PKHD1: variants seen among roughly 807,000 people sequenced by gnomAD.
The protein encoded by PKHD1 is PKHD1 ciliary IPT domain containing fibrocystin/polyductin, also known as fibrocystin.
PKHD1 carries 291 observed loss-of-function variants against 412.0 expected under a neutral mutation model. That is an observed-to-expected ratio of 0.71 (90% CI 0.64 to 0.78). PKHD1 has a LOEUF of 0.78. Ranked by LOEUF, PKHD1 falls within the 30% of genes least tolerant of loss-of-function variation. PKHD1 has a pLI of 0.00. For missense variants in PKHD1, 4,825 were observed against 4,950.7 expected, an observed-to-expected ratio of 0.97 and a Z score of 0.76; for synonymous variants, 1,777 against 1,821.5, an observed-to-expected ratio of 0.98 and a Z score of 0.62.
Position 51,934,200 on chromosome 6 carries a change from T to G in PKHD1, c.6031A>C (p.Ile2011Leu). The G allele has an allele frequency of 6.2e-7, 1 of 1,613,928 alleles. No homozygotes were observed. Among genetic ancestry groups the G allele is most frequent in the Middle Eastern group, 1.7e-4 (1 of 6,042 alleles). The change falls in exon 37 of 67, where the codon ATC (isoleucine) becomes CTC (leucine). Residue 2011 changes from isoleucine to leucine, a missense_variant. Physicochemically the swap from Ile to Leu is conservative, Grantham distance 5. Transcript: ENST00000371117. Reference sequence around the variant, plus strand: ...GAGTAGGAACTCCCGTAGAGTGTGATCTGAGCTCTGCCTTGGAAGGGCTTG... The same window carrying G: ...GAGTAGGAACTCCCGTAGAGTGTGAGCTGAGCTCTGCCTTGGAAGGGCTTG... ...EDKPFQGRAQ[I>L]TLYGSSYSTP... is the part of the protein sequence containing the mutation.
At chr6:51,932,058 T>C (rs1246750401) in intron 37 of PKHD1, among the ~76,000 whole-genome samples, 2 of 152,152 alleles carry the variant, frequency 1.3e-5, no homozygotes, top group African/African-American at 4.8e-5. Context: ...GGTCTCATTC[T>C]CAATATCCAG....
At chr6:51,987,159 C>G (rs1440441540) in intron 35 of PKHD1, among the ~76,000 whole-genome samples, 1 of 152,224 alleles carries the variant, frequency 6.6e-6, no homozygotes, top group African/African-American at 2.4e-5. Context: ...AGCAGAATCT[C>G]AGAGTCCAGT....
intron 49 of PKHD1, among the ~76,000 whole-genome samples, chr6:51,854,136 ATGC>A (rs2151672997): frequency 6.6e-6 from 1 of 151,200 alleles, no homozygotes; most frequent in Admixed American, 6.6e-5. Context: ...GTTGTTGTTG[ATGC>A]TGTTGTTGTC....
chr6:51,890,010 G>A (rs1778862286), intron 43 of PKHD1, among the ~76,000 whole-genome samples: 2 of 151,828 alleles, frequency 1.3e-5, no homozygotes, highest in Admixed American at 6.6e-5. Context: ...TTTTCCCTTA[G>A]AAGTATTTTT....
chr6:51,977,219 G>T (rs2128010014), intron 35 of PKHD1, among the ~76,000 whole-genome samples: 1 of 152,244 alleles, frequency 6.6e-6, no homozygotes, highest in East Asian at 1.9e-4. Flanking sequence ...AAACAGAAAA[G>T]AAGGCAACCC....
intron 60 of PKHD1, among the ~76,000 whole-genome samples, chr6:51,733,396 C>T (rs926091587): frequency 6.6e-5 from 10 of 151,714 alleles, no homozygotes; most frequent in South Asian, 4.2e-4. Context: ...AAAAATTAGC[C>T]GGGCGTGGTG....
chr6:51,672,702 CTGA>C (rs1430356973), intron 60 of PKHD1, among the ~76,000 whole-genome samples: 1 of 152,144 alleles, frequency 6.6e-6, no homozygotes, highest in Non-Finnish European at 1.5e-5. Flanking sequence ...ATACAAAGAA[CTGA>C]TGATAAGAAA....
At chr6:51,663,547 T>C (rs559530696) in intron 60 of PKHD1, among the ~76,000 whole-genome samples, 2 of 152,164 alleles carry the variant, frequency 1.3e-5, no homozygotes, top group African/African-American at 4.8e-5. Context: ...ATATTTCATC[T>C]CTAAATCACC....
chr6:51,819,430 A>G (rs1161533870), intron 52 of PKHD1, among the ~76,000 whole-genome samples: 1 of 152,210 alleles, frequency 6.6e-6, no homozygotes, highest in Non-Finnish European at 1.5e-5. Context: ...GTAATAGCTA[A>G]TATCTAAATT....
intron 21 of PKHD1, among the ~76,000 whole-genome samples, chr6:52,051,164 T>A (rs778148865): frequency 4.6e-5 from 7 of 152,140 alleles, no homozygotes; most frequent in Non-Finnish European, 8.8e-5. Context: ...TAGATTCCGA[T>A]CTCCTCCACA....
chr6:51,910,910 C>T (rs1782844991), intron 39 of PKHD1, among the ~76,000 whole-genome samples: 2 of 151,868 alleles, frequency 1.3e-5, no homozygotes, highest in South Asian at 4.2e-4. Flanking sequence ...TCACATGCAC[C>T]TATATTTAGA....
At chr6:51,754,105 T>G (rs1786562824) in intron 56 of PKHD1, among the ~76,000 whole-genome samples, 1 of 152,196 alleles carries the variant, frequency 6.6e-6, no homozygotes, top group African/African-American at 2.4e-5. Flanking sequence ...CTCCATCCCC[T>G]TTATTTCCAC....
At chr6:51,931,080 G>A (rs539710570) in intron 37 of PKHD1, among the ~76,000 whole-genome samples, 2 of 152,270 alleles carry the variant, frequency 1.3e-5, no homozygotes, top group South Asian at 2.1e-4. Context: ...TCTGTTGAAG[G>A]TCATAGCTGA....
intron 48 of PKHD1, among the ~76,000 whole-genome samples, chr6:51,863,931 A>G (rs1774624346): frequency 6.6e-6 from 1 of 152,158 alleles, no homozygotes; most frequent in African/African-American, 2.4e-5. Context: ...TCATAATACA[A>G]AGAAAATCCC....
chr6:51,774,189 GT>G (rs141156506), intron 54 of PKHD1, among the ~76,000 whole-genome samples: 2,923 of 151,928 alleles, frequency 0.019, 99 homozygotes, highest in African/African-American at 0.066. Flanking sequence ...ATCATCAAAG[GT>G]TTACTGTAAA....
chr6:51,627,919 A>G (rs2771017), intron 65 of PKHD1, among the ~76,000 whole-genome samples: 6,506 of 152,248 alleles, frequency 0.043, 234 homozygotes, highest in African/African-American at 0.093. Flanking sequence ...GGAATAATAC[A>G]GTGAGTAAAA....
At chr6:51,988,952 C>G (rs1447396261) in intron 35 of PKHD1, among the ~76,000 whole-genome samples, 1 of 152,188 alleles carries the variant, frequency 6.6e-6, no homozygotes, top group Non-Finnish European at 1.5e-5. Flanking sequence ...TATAGAAAAT[C>G]AACAACATAA....
At chr6:51,890,344 A>G (rs1346634646) in intron 43 of PKHD1, among the ~76,000 whole-genome samples, 1 of 152,168 alleles carries the variant, frequency 6.6e-6, no homozygotes, top group Non-Finnish European at 1.5e-5. Context: ...AACATAAACA[A>G]GAGAGTACAA....
intron 43 of PKHD1, among the ~76,000 whole-genome samples, chr6:51,895,923 T>C (rs1779859497): frequency 1.3e-5 from 2 of 151,832 alleles, no homozygotes; most frequent in Admixed American, 6.6e-5. Context: ...ACCTGGAAAA[T>C]CGGGTCACTC....
Sources: gnomAD v4.1 joint callset for allele counts (sites outside exome capture counted in the v4.1 genomes callset) on GRCh38, gnomAD v4.1.1 for gene constraint, MANE v1.5 for transcripts, NCBI Gene and HGNC (gene_info 2026-07-23, HGNC 2026-07-21) for gene names.